TCEANC2: variants seen among roughly 807,000 people sequenced by gnomAD.
TCEANC2 encodes the protein transcription elongation factor A N-terminal and central domain-containing protein 2.
A neutral mutation model predicts 22.8 loss-of-function variants in TCEANC2; 20 were observed. That is an observed-to-expected ratio of 0.88 (90% CI 0.62 to 1.28). TCEANC2 has a LOEUF of 1.28. Ranked by LOEUF, TCEANC2 falls within the 50% of genes most tolerant of loss-of-function variation. TCEANC2 has a pLI of 0.00. For missense variants in TCEANC2, 251 were observed against 249.7 expected (o/e 1.01, Z -0.03); for synonymous variants, 84 against 95.5 (o/e 0.88, Z 0.70).
chr1:54,094,457 A>G (rs548529847), intron 4 of TCEANC2, among the ~76,000 whole-genome samples: 199 of 152,354 alleles, frequency 1.3e-3, no homozygotes, highest in Non-Finnish European at 1.8e-3. Context: ...TCACCTAGCC[A>G]GATCCTACTC....
intron 3 of TCEANC2, among the ~76,000 whole-genome samples, chr1:54,081,940 G>T (rs2100375056): frequency 6.6e-6 from 1 of 152,304 alleles, no homozygotes; most frequent in South Asian, 2.1e-4. Flanking sequence ...TCTGATTTTG[G>T]AATACCAAGA....
At chr1:54,082,760 G>C (rs1032703539) in intron 3 of TCEANC2, among the ~76,000 whole-genome samples, 1 of 152,150 alleles carries the variant, frequency 6.6e-6, no homozygotes, top group Non-Finnish European at 1.5e-5. Context: ...AGGCCAAAGA[G>C]ATTCTAGGTC....
intron 3 of TCEANC2, among the ~76,000 whole-genome samples, chr1:54,072,462 T>C (rs1658074889): frequency 6.6e-6 from 1 of 152,004 alleles, no homozygotes; most frequent in East Asian, 1.9e-4. Context: ...AGTGGCGCGA[T>C]CTCAGCTCAC....
chr1:54,075,958 G>A (rs1369194296), intron 3 of TCEANC2, among the ~76,000 whole-genome samples: 1 of 151,700 alleles, frequency 6.6e-6, no homozygotes, highest in African/African-American at 2.4e-5. Flanking sequence ...AACCCAGGAG[G>A]CAGAGGTTGC....
At position 54,054,466 on chromosome 1, in the gene TCEANC2, C is replaced by T. The variant is rs768240665; in HGVS notation, c.44C>T (p.Pro15Leu). 2.5e-6 allele frequency: 4 copies of T among 1,614,022 alleles called. No homozygotes were observed. The highest frequency in any genetic ancestry group is 3.4e-6 in the Non-Finnish European group (4 of 1,179,982). Residue 15 changes from proline to leucine, a missense_variant, in exon 2 of 5, where the codon CCT becomes CTT. Physicochemically the swap from Pro to Leu is moderately conservative, Grantham distance 98 (BLOSUM62 -3). Transcript: ENST00000234827. The part of the protein sequence containing the change: ...VIRTPRIQNS[P>L]QKKDSGGKVY... ...CGAACGCCTAGAATCCAGAATAGCCCTCAGAAGAAAGATTCTGGAGGAAAG... is the reference window on the plus strand; with the variant it reads ...CGAACGCCTAGAATCCAGAATAGCCTTCAGAAGAAAGATTCTGGAGGAAAG...
rs1658542989 is a variant in TCEANC2 at position 54,096,213 on chromosome 1, TGCTCCA to T, written c.439-69_439-64del. ...GATTAATGGAGGCCTCTGAGCAGAG[TGCTCCA>T]GCCTCTCTTGCTTTTAATCCTTACG... is the stretch of plus-strand genomic sequence containing the variant. On this transcript the variant is annotated intron_variant, in intron 4 of 4. Coordinates refer to ENST00000234827, the MANE Select transcript of TCEANC2 (RefSeq NM_153035.3). This position sits in a 1 kb window ranked among gnomAD's most constrained non-coding sequence, Gnocchi z 4.9. 26 of 1,506,588 alleles carry T rather than the reference TGCTCCA, an allele frequency of 1.7e-5. No homozygotes were observed. Among genetic ancestry groups the T allele is most frequent in the Non-Finnish European group, 2.3e-5 (26 of 1,118,504 alleles). The allele number at this position is 1,506,588 out of a possible 1,614,324, so 93.3% of individuals were successfully genotyped here.
intron 3 of TCEANC2, among the ~76,000 whole-genome samples, chr1:54,074,666 G>A (rs1349450588): frequency 6.6e-6 from 1 of 152,138 alleles, no homozygotes; most frequent in Non-Finnish European, 1.5e-5. Flanking sequence ...GGAGGGGATT[G>A]GTTAGCTTTG....
Position 54,088,797 on chromosome 1 carries a change from C to T in TCEANC2, c.438+7C>T. ...AGAAGCCTTGGAATTAAAGGTAATG[C>T]CCTAAATATATACAACTGTTATGTA... is the stretch of plus-strand genomic sequence containing the variant. On this transcript the variant is annotated splice_region_variant and intron_variant, in intron 4 of 4. Transcript: ENST00000234827. The T allele has an allele frequency of 6.4e-7, 1 of 1,557,208 alleles. No individual in the cohort carries two copies. Among genetic ancestry groups the T allele is most frequent in the Non-Finnish European group, 8.7e-7 (1 of 1,153,224 alleles).
chr1:54,093,755 A>G (rs1658490222), intron 4 of TCEANC2, among the ~76,000 whole-genome samples: 1 of 147,320 alleles, frequency 6.8e-6, no homozygotes. Flanking sequence ...TTTTTAATAC[A>G]GGTACTATAA....
At chr1:54,080,788 T>C (rs1310301263) in intron 3 of TCEANC2, among the ~76,000 whole-genome samples, 1 of 152,186 alleles carries the variant, frequency 6.6e-6, no homozygotes, top group Non-Finnish European at 1.5e-5. Flanking sequence ...GATGCAGAAA[T>C]CCCCTAACCT....
intron 2 of TCEANC2, among the ~76,000 whole-genome samples, chr1:54,055,212 G>A (rs1348121181): frequency 6.6e-6 from 1 of 152,024 alleles, no homozygotes; most frequent in African/African-American, 2.4e-5. Flanking sequence ...TGATCCACCC[G>A]CCTCTTGTCT....
intron 3 of TCEANC2, among the ~76,000 whole-genome samples, chr1:54,088,119 G>A (rs1658374001): frequency 6.6e-6 from 1 of 152,134 alleles, no homozygotes; most frequent in Non-Finnish European, 1.5e-5. Context: ...CATTGAATGA[G>A]TTCATCCACT....
In TCEANC2 at chr1:54,098,801, G is replaced by A. The variant is rs1356595993; in HGVS notation, c.*2328G>A. 1.3e-5 allele frequency: 2 copies of A among 152,274 alleles called. No homozygotes were observed. Among genetic ancestry groups the A allele is most frequent in the African/African-American group, 4.8e-5 (2 of 41,448 alleles). 9.4% of individuals were successfully genotyped at this position (152,274 alleles called of 1,614,324 possible). On this transcript the variant is annotated 3_prime_UTR_variant, in exon 5 of 5. Transcript: ENST00000234827. ...TTCAGTCTTAAAGGGCAGGAGTTTG[G>A]ATAGGGGAATGTTAGTTAATAGAAT... is the stretch of plus-strand genomic sequence containing the variant.
rs533884180 is a variant in TCEANC2 at position 54,091,294 on chromosome 1, A to G, written c.438+2504A>G. ...ACCTATCATCATCTGAGATATTTCC[A>G]TATTAGAGCAAATCAATGAACCATC... is the stretch of plus-strand genomic sequence containing the variant. On this transcript the variant is annotated intron_variant, in intron 4 of 4. Transcript: ENST00000234827. 1.6e-4 allele frequency among the ~76,000 whole-genome samples: 24 copies of G among 152,282 alleles called. No individual in the cohort carries two copies. In the South Asian group the frequency reaches 5.0e-3, roughly 32 times the overall value.
intron 2 of TCEANC2, among the ~76,000 whole-genome samples, chr1:54,063,451 T>A (rs760821135): frequency 2.6e-5 from 4 of 152,208 alleles, no homozygotes; most frequent in Non-Finnish European, 5.9e-5. Context: ...CCACTAATGC[T>A]CATGTCTGTT....
Position 54,096,716 on chromosome 1 carries a change from C to A in TCEANC2, c.*243C>A. 8.3e-7 allele frequency: 1 copy of A among 1,208,738 alleles called. No individual in the cohort carries two copies. Among genetic ancestry groups the A allele is most frequent in the South Asian group, 3.0e-5 (1 of 33,570 alleles). The allele number at this position is 1,208,738 out of a possible 1,614,324, so 74.9% of individuals were successfully genotyped here. The stretch of plus-strand genomic sequence containing the variant: ...ACGCACACTGGCTGTCACTAGGAAG[C>A]GCCATACGGTTGCTATCACCCAACA... On this transcript the variant is annotated 3_prime_UTR_variant, in exon 5 of 5. Transcript: ENST00000234827. The surrounding 1 kb of genome is among the most constrained non-coding windows in gnomAD (Gnocchi z 4.9).
chr1:54,079,038 G>C (rs116239528), intron 3 of TCEANC2, among the ~76,000 whole-genome samples: 2 of 152,174 alleles, frequency 1.3e-5, no homozygotes, highest in Non-Finnish European at 2.9e-5. Flanking sequence ...AGAGCATGGG[G>C]TATCGAGTAA....
chr1:54,095,067 C>G (rs1338666324), intron 4 of TCEANC2, among the ~76,000 whole-genome samples: 1 of 152,164 alleles, frequency 6.6e-6, no homozygotes, highest in Non-Finnish European at 1.5e-5. Context: ...ATCACTTGAG[C>G]CCATGAGTTT....
At chr1:54,057,154 C>T (rs1228540512) in intron 2 of TCEANC2, among the ~76,000 whole-genome samples, 1 of 151,616 alleles carries the variant, frequency 6.6e-6, no homozygotes, top group African/African-American at 2.4e-5. Context: ...TATCCGTATA[C>T]CAAGTAACTG....
Sources: gnomAD v4.1 joint callset for allele counts (sites outside exome capture counted in the v4.1 genomes callset) on GRCh38, gnomAD v4.1.1 for gene constraint, Gnocchi (gnomAD v3.1) non-coding constraint, MANE v1.5 for transcripts, NCBI Gene and HGNC (gene_info 2026-07-23, HGNC 2026-07-21) for gene names.